FCHO1: variants seen among roughly 807,000 people sequenced by gnomAD.
FCHO1 encodes FCH and mu domain containing endocytic adaptor 1, also known as F-BAR domain only protein 1.
In FCHO1, 45 loss-of-function variants were observed where a neutral mutation model predicts 114.4. The ratio of observed to expected loss-of-function variants is 0.39; its 90% CI spans 0.31 to 0.50. The LOEUF (loss-of-function observed/expected upper bound fraction) is 0.50, where lower values mean the gene tolerates loss of function less well. Ranked by LOEUF, FCHO1 falls within the 20% of genes least tolerant of loss-of-function variation. FCHO1 has a pLI of 0.77. For missense variants in FCHO1, 1,042 were observed against 1,209.6 expected, an observed-to-expected ratio of 0.86 and a Z score of 2.06; for synonymous variants, 480 against 488.9, an observed-to-expected ratio of 0.98 and a Z score of 0.24.
intron 7 of FCHO1, among the ~76,000 whole-genome samples, chr19:17,769,885 C>T (rs531425760): frequency 2.0e-5 from 3 of 152,080 alleles, no homozygotes; most frequent in Admixed American, 6.6e-5. Context: ...ACGTACAGGC[C>T]GGGCGTAGTG....
At chr19:17,766,886 G>A in intron 7 of FCHO1, 76 bp downstream of exon 7, 1 of 1,497,220 alleles carries the variant, frequency 6.7e-7, no homozygotes, top group Non-Finnish European at 9.1e-7. Flanking sequence ...AGATCTTCTG[G>A]GGCTTTATAA....
intron 6 of FCHO1, 139 bp from the exon 7 acceptor site, chr19:17,766,530 T>C: frequency 7.0e-6 from 8 of 1,145,914 alleles, no homozygotes; most frequent in Non-Finnish European, 8.5e-6. Context: ...CTCTTACAGC[T>C]GCCATGGAGA....
Position 17,775,344 on chromosome 19 carries a change from G to T in FCHO1, c.946-112G>T. The T allele has an allele frequency of 2.6e-6, 3 of 1,159,504 alleles. No homozygotes were observed. Among genetic ancestry groups the T allele is most frequent in the Non-Finnish European group, 3.9e-6 (3 of 770,902 alleles). 71.8% of individuals were successfully genotyped at this position (1,159,504 alleles called of 1,614,324 possible). ...AAGACAGTCGTTGCCATCAGGGTTGGTTTTGAGGTCTGAGTCAAGGCCTGG... is the reference window on the plus strand; with the variant it reads ...AAGACAGTCGTTGCCATCAGGGTTGTTTTTGAGGTCTGAGTCAAGGCCTGG... On this transcript the variant is annotated intron_variant, in intron 14 of 28. Transcript: ENST00000596536. This position sits in a 1 kb window ranked among gnomAD's most constrained non-coding sequence, Gnocchi z 5.1.
rs760803401 is a variant in FCHO1 at position 17,778,631 on chromosome 19, C to T, written c.1374C>T (p.Thr458=). The stretch of plus-strand genomic sequence containing the variant: ...AAGGCTCTAGCAGCCTGGGCTTCAC[C>T]TCCAGCCCCTCCCCTTTCTCCTCCT... ...DFTGSSSLGF[T]SSPSPFSSSS... The change falls in exon 20 of 29, where the codon ACC becomes ACT. Residue 458 remains threonine, a synonymous_variant. Coordinates refer to ENST00000596536, the MANE Select transcript of FCHO1 (RefSeq NM_015122.3). 6 of 1,574,496 alleles carry T rather than the reference C, an allele frequency of 3.8e-6. No individual in the cohort carries two copies. The highest frequency in any genetic ancestry group is 2.7e-5 in the African/African-American group (2 of 73,764).
chr19:17,755,144 G>T lies in FCHO1; in HGVS notation c.-21G>T, dbSNP rs777780301. On this transcript the variant is annotated 5_prime_UTR_variant, in exon 4 of 29. Coordinates refer to ENST00000596536, the MANE Select transcript of FCHO1 (RefSeq NM_015122.3). Reference sequence around the variant, plus strand: ...CAGGCACTGGACGGGGCCTGCAGGGGTCTCCACAGAGACCATCAGGATGTC... The same window carrying T: ...CAGGCACTGGACGGGGCCTGCAGGGTTCTCCACAGAGACCATCAGGATGTC... 2 of 1,613,624 alleles carry T rather than the reference G, an allele frequency of 1.2e-6. No individual in the cohort carries two copies. The highest frequency in any genetic ancestry group is 8.5e-7 in the Non-Finnish European group (1 of 1,179,666).
At chr19:17,787,423 A>G (rs1168254323) in intron 27 of FCHO1, among the ~76,000 whole-genome samples, 1 of 151,678 alleles carries the variant, frequency 6.6e-6, no homozygotes, top group Admixed American at 6.6e-5. Context: ...AAAAAAAAAA[A>G]AAAAAGCTGA....
Position 17,757,293 on chromosome 19 carries a change from C to T in FCHO1, c.27+2102C>T, listed in dbSNP as rs530237181. On this transcript the variant is annotated intron_variant, in intron 4 of 28. Transcript: ENST00000596536. ...ACCTGAGACAGCCCCTCCTAGGACC[C>T]TCGGCTGCCAGCCCAGTCCAAGAGA... is the stretch of plus-strand genomic sequence containing the variant. Among the ~76,000 whole-genome samples, 180 of 152,228 alleles carry T rather than the reference C, an allele frequency of 1.2e-3. 1 individual carries two copies. The highest frequency in any genetic ancestry group is 4.0e-3 in the African/African-American group (166 of 41,536).
chr19:17,773,061 C>A (rs1223605204), intron 11 of FCHO1, among the ~76,000 whole-genome samples: 1 of 152,166 alleles, frequency 6.6e-6, no homozygotes, highest in Non-Finnish European at 1.5e-5. Context: ...CCCAGAGGAG[C>A]CTTGAATGCC....
upstream of FCHO1, among the ~76,000 whole-genome samples, chr19:17,749,285 G>A (rs963859610): frequency 6.6e-6 from 1 of 152,188 alleles, no homozygotes; most frequent in African/African-American, 2.4e-5. Context: ...GCCTCTACCT[G>A]TGTGTGTGTT....
At chr19:17,767,691 A>G (rs537379980) in intron 7 of FCHO1, among the ~76,000 whole-genome samples, 2 of 152,242 alleles carry the variant, frequency 1.3e-5, no homozygotes, top group South Asian at 4.1e-4. Flanking sequence ...TGACAGTCAC[A>G]TATCAGTGCC....
At chr19:17,765,066 GAAAAAAA>G (rs574969255) in intron 6 of FCHO1, among the ~76,000 whole-genome samples, 1 of 90,510 alleles carries the variant, frequency 1.1e-5, no homozygotes, top group African/African-American at 4.1e-5. Flanking sequence ...ACTCTGTTTT[GAAAAAAA>G]AAAAAAAAAA....
Position 17,781,323 on chromosome 19 carries a change from A to T in FCHO1, c.1720A>T (p.Thr574Ser). ...LRSRKVSCPL[T>S]RSNGDLSRSL... Reference sequence around the variant, plus strand: ...CTCTAGGAAGGTGTCCTGCCCTCTCACACGTAGCAATGGGGACCTGGTAGG... The same window carrying T: ...CTCTAGGAAGGTGTCCTGCCCTCTCTCACGTAGCAATGGGGACCTGGTAGG... The change falls in exon 21 of 29, where the codon ACA (threonine) becomes TCA (serine). Residue 574 changes from threonine to serine, a missense_variant. Around this residue, in one of 3 missense-constraint regions of FCHO1, gnomAD observed 455 missense variants for 455.4 expected, o/e 1.00. Coordinates refer to ENST00000596536, the MANE Select transcript of FCHO1 (RefSeq NM_015122.3). 1 of 1,613,930 alleles carries T rather than the reference A, an allele frequency of 6.2e-7. No individual in the cohort carries two copies. Among genetic ancestry groups the T allele is most frequent in the Non-Finnish European group, 8.5e-7 (1 of 1,179,878 alleles).
In FCHO1 at chr19:17,781,527, C is replaced by A. The variant is rs1164953612; in HGVS notation, c.1816C>A (p.Gln606Lys). 6.2e-7 allele frequency: 1 copy of A among 1,614,034 alleles called. No individual in the cohort carries two copies. Among genetic ancestry groups the A allele is most frequent in the Admixed American group, 1.7e-5 (1 of 60,012 alleles). The change falls in exon 22 of 29, where the codon CAG (glutamine) becomes AAG (lysine). Residue 606 changes from glutamine to lysine, a missense_variant. By Grantham distance (53) the Gln-to-Lys change is moderately conservative (BLOSUM62 1). This residue lies in a region of FCHO1 where 455 missense variants were observed against 455.4 expected (regional missense o/e 1.00). Coordinates refer to ENST00000596536, the MANE Select transcript of FCHO1 (RefSeq NM_015122.3). ...TALERPSFLS[Q>K]TGHGVSRGPS... ...CTTGGAACGGCCCAGCTTCTTATCC[C>A]AGACAGGACACGGTATGTGAGGGCG...
Position 17,784,631 on chromosome 19 carries a change from G to C in FCHO1, c.2227-94G>C. On this transcript the variant is annotated intron_variant, in intron 25 of 28. Coordinates refer to ENST00000596536, the MANE Select transcript of FCHO1 (RefSeq NM_015122.3). The surrounding 1 kb of genome is among the most constrained non-coding windows in gnomAD (Gnocchi z 5.3). ...TGACTGGACCCCCTTGGGGCGGTGC[G>C]TGCATCGCAGGGTCAAGGTGGTTGA... 2 of 1,190,740 alleles carry C rather than the reference G, an allele frequency of 1.7e-6. No individual in the cohort carries two copies. Among genetic ancestry groups the C allele is most frequent in the Non-Finnish European group, 1.2e-6 (1 of 803,244 alleles). 73.8% of individuals were successfully genotyped at this position (1,190,740 alleles called of 1,614,324 possible).
At position 17,770,691 on chromosome 19, in the gene FCHO1, A is replaced by T. The variant is rs2091246790; in HGVS notation, c.490-101A>T. The T allele has an allele frequency of 1.2e-5, 19 of 1,578,328 alleles. No individual in the cohort carries two copies. In the South Asian group the frequency reaches 2.2e-4, roughly 18 times the overall value. On this transcript the variant is annotated intron_variant, in intron 8 of 28. Coordinates refer to ENST00000596536, the MANE Select transcript of FCHO1 (RefSeq NM_015122.3). ...GGTCCTGGAACCTGTGGGTGATCAC[A>T]CCCTGGGTACCCCGAGGAGTTCACC...
At chr19:17,767,870 T>A (rs4808685) in intron 7 of FCHO1, among the ~76,000 whole-genome samples, 66,267 of 152,050 alleles carry the variant, frequency 0.44, 15,366 homozygotes, top group East Asian at 0.71. Context: ...GCATTGGAAG[T>A]TACAGATATT....
Position 17,787,622 on chromosome 19 carries a change from C to G in FCHO1, c.2483-60C>G. On this transcript the variant is annotated intron_variant, in intron 27 of 28. Coordinates refer to ENST00000596536, the MANE Select transcript of FCHO1 (RefSeq NM_015122.3). ...CTTCAGGTGTGGGCCAAAGATGAGC[C>G]TGGTTCACAGCTGGGACGGGGGCTG... 4.7e-6 allele frequency: 7 copies of G among 1,496,594 alleles called. No individual in the cohort carries two copies. The South Asian group carries it at 9.0e-5, about 19-fold the overall frequency. 92.7% of individuals were successfully genotyped at this position (1,496,594 alleles called of 1,614,324 possible). A position where few individuals can be genotyped will look rare whatever the true frequency, so the allele number is the denominator to read the frequency against.
At chr19:17,754,227 C>A (rs1293894733) in intron 1 of FCHO1, 90 bp from the exon 2 acceptor site, 1 of 152,296 alleles carries the variant, frequency 6.6e-6, no homozygotes, top group African/African-American at 2.4e-5. Flanking sequence ...CTGTCCGTCC[C>A]CTGCCGGGCG....
chr19:17,776,367 A>G lies in FCHO1; in HGVS notation c.1207+96A>G. 3.3e-6 allele frequency: 5 copies of G among 1,499,356 alleles called. No individual in the cohort carries two copies. The highest frequency in any genetic ancestry group is 4.6e-6 in the Non-Finnish European group (5 of 1,075,898). 92.9% of individuals were successfully genotyped at this position (1,499,356 alleles called of 1,614,324 possible). On this transcript the variant is annotated intron_variant, in intron 17 of 28. Transcript: ENST00000596536. This position sits in a 1 kb window ranked among gnomAD's most constrained non-coding sequence, Gnocchi z 4.4. ...ATAACTCCGTTTTGTAACTTTGGGCAGGCTGCTTAACCACACTGACCTTCA... is the reference window on the plus strand; with the variant it reads ...ATAACTCCGTTTTGTAACTTTGGGCGGGCTGCTTAACCACACTGACCTTCA...
Sources: allele counts gnomAD v4.1 joint callset (sites outside exome capture counted in the v4.1 genomes callset), GRCh38; gene constraint gnomAD v4.1.1; regional missense constraint gnomAD v4.1.1; non-coding constraint Gnocchi (gnomAD v3.1); transcripts MANE v1.5; gene names NCBI Gene and HGNC (gene_info 2026-07-23, HGNC 2026-07-21).